MAF: variants seen among roughly 807,000 people sequenced by gnomAD.
MAF encodes the protein transcription factor Maf.
MAF carries 10 observed loss-of-function variants against 22.0 expected under a neutral mutation model. The observed-to-expected ratio is 0.45, with a 90% CI of 0.28 to 0.77. The LOEUF (loss-of-function observed/expected upper bound fraction) is 0.77. Ranked by LOEUF, MAF falls within the 30% of genes least tolerant of loss-of-function variation. The pLI, the probability that MAF is intolerant of heterozygous loss-of-function variation, is 0.12. For missense variants in MAF, 544 were observed against 548.4 expected (o/e 0.99, Z 0.08); for synonymous variants, 337 against 255.8 (o/e 1.32, Z -3.03).
chr16:79,451,985 G>C, the MAF span, among the ~76,000 whole-genome samples: 1 of 106,550 alleles, frequency 9.4e-6, no homozygotes, highest in Admixed American at 1.1e-4. Context: ...TTCTGCAGGA[G>C]TCCGCAAAGG....
intron 1 of MAF, chr16:79,597,940 G>T (rs1441411570): frequency 9.6e-7 from 1 of 1,041,062 alleles, no homozygotes; most frequent in East Asian, 5.7e-5. Context: ...TAAACTCTCA[G>T]ATTTGGCATC....
At chr16:79,513,841 C>A in the MAF span, among the ~76,000 whole-genome samples, 1 of 152,106 alleles carries the variant, frequency 6.6e-6, no homozygotes, top group Non-Finnish European at 1.5e-5. Flanking sequence ...TCTTTTCCAC[C>A]GGGTAGGCTG....
the MAF span, among the ~76,000 whole-genome samples, chr16:79,317,956 ACTCT>A: frequency 7.8e-6 from 1 of 128,126 alleles, no homozygotes; most frequent in Admixed American, 7.8e-5. Context: ...TCACTCACTC[ACTCT>A]TATTTTCCCT....
At chr16:79,569,072 C>T in the MAF span, among the ~76,000 whole-genome samples, 569 of 152,258 alleles carry the variant, frequency 3.7e-3, 4 homozygotes, top group Non-Finnish European at 5.8e-3. Flanking sequence ...CTCATTCATT[C>T]GTAGCAACAA....
the MAF span, among the ~76,000 whole-genome samples, chr16:79,278,139 G>C: frequency 6.6e-6 from 1 of 152,236 alleles, no homozygotes; most frequent in African/African-American, 2.4e-5. Flanking sequence ...ATTAGGACTA[G>C]ATTGAGTCGT....
At chr16:79,364,669 GTGTATATGTGCCATTC>G in the MAF span, among the ~76,000 whole-genome samples, 1 of 152,188 alleles carries the variant, frequency 6.6e-6, no homozygotes, top group Non-Finnish European at 1.5e-5. Flanking sequence ...CAGAATCCAT[GTGTATATGTGCCATTC>G]TGAGAGCATT....
chr16:79,402,106 C>CTGAG, the MAF span, among the ~76,000 whole-genome samples: 69 of 152,250 alleles, frequency 4.5e-4, no homozygotes, highest in Non-Finnish European at 8.1e-4. Context: ...CTCTAGCTGC[C>CTGAG]TGAGGCTAGC....
the MAF span, among the ~76,000 whole-genome samples, chr16:79,456,935 TAC>T: frequency 0.034 from 5,052 of 149,770 alleles, 280 homozygotes; most frequent in African/African-American, 0.12. Flanking sequence ...GCCATGTTTT[TAC>T]ACACACACAC....
rs2143820066 is a variant in MAF, at chr16:79,599,881, T to C, written c.22A>G (p.Ser8Gly). 1 of 1,604,338 alleles carries C rather than the reference T, an allele frequency of 6.2e-7. No homozygotes were observed. The highest frequency in any genetic ancestry group is 8.5e-7 in the Non-Finnish European group (1 of 1,179,606). The part of the protein sequence containing the change: MASELAM[S>G]NSDLPTSPLA... ...GGACTGGTGGGCAGGTCGGAGTTGC[T>C]CATTGCCAGTTCTGATGCCATTCTC... The change falls in exon 1 of 2, where the codon AGC (serine) becomes GGC (glycine). Residue 8 changes from serine to glycine, a missense_variant. Physicochemically the swap from Ser to Gly is moderately conservative, Grantham distance 56. This residue lies in a region of MAF where 63 missense variants were observed against 72.7 expected (regional missense o/e 0.87). Coordinates refer to ENST00000326043, the MANE Select transcript of MAF (RefSeq NM_005360.5).
chr16:79,209,085 T>C, the MAF span, among the ~76,000 whole-genome samples: 1 of 152,212 alleles, frequency 6.6e-6, no homozygotes, highest in East Asian at 1.9e-4. Flanking sequence ...GGAATTTAGA[T>C]GGTAAATCAC....
chr16:79,460,312 T>C, the MAF span, among the ~76,000 whole-genome samples: 2 of 152,210 alleles, frequency 1.3e-5, no homozygotes. Context: ...TCATGTACGT[T>C]TGTCTATAAA....
At chr16:79,434,441 C>T in the MAF span, among the ~76,000 whole-genome samples, 1,436 of 152,174 alleles carry the variant, frequency 9.4e-3, 16 homozygotes, top group Middle Eastern at 0.024. Context: ...CCAGCTTTTG[C>T]AAAATACCTG....
At chr16:79,240,833 G>A in the MAF span, among the ~76,000 whole-genome samples, 1 of 152,006 alleles carries the variant, frequency 6.6e-6, no homozygotes, top group Non-Finnish European at 1.5e-5. Flanking sequence ...CTGGTACAAA[G>A]CTTCCAGAGG....
the MAF span, among the ~76,000 whole-genome samples, chr16:79,269,105 C>G: frequency 6.6e-6 from 1 of 152,132 alleles, no homozygotes; most frequent in Non-Finnish European, 1.5e-5. Flanking sequence ...GGACCTGTCT[C>G]TATGTTGGTC....
chr16:79,582,197 T>A (rs1477319654), downstream of MAF, among the ~76,000 whole-genome samples: 44 of 152,116 alleles, frequency 2.9e-4, 1 homozygote, highest in Non-Finnish European at 5.7e-4. Flanking sequence ...ACAACAACTT[T>A]ACAGTAATTT....
the MAF span, among the ~76,000 whole-genome samples, chr16:79,273,287 C>G: frequency 2.0e-5 from 3 of 152,152 alleles, no homozygotes; most frequent in African/African-American, 7.2e-5. Flanking sequence ...TCTCTGGGCT[C>G]AGACAGTGCA....
chr16:79,598,232 G>T, intron 1 of MAF: 1 of 1,060,652 alleles, frequency 9.4e-7, no homozygotes, highest in Non-Finnish European at 1.1e-6. Flanking sequence ...TGGAAAAAAG[G>T]TGGGCAACAC....
chr16:79,344,086 A>G, the MAF span, among the ~76,000 whole-genome samples: 1 of 152,298 alleles, frequency 6.6e-6, no homozygotes, highest in South Asian at 2.1e-4. Context: ...CCAAGAGCTG[A>G]TCCAAGGAAT....
the MAF span, among the ~76,000 whole-genome samples, chr16:79,464,902 C>G: frequency 1.3e-5 from 2 of 152,142 alleles, no homozygotes; most frequent in Non-Finnish European, 1.5e-5. Context: ...AAAAGGGCCA[C>G]TAGACTAGAA....
Sources: allele counts gnomAD v4.1 joint callset (sites outside exome capture counted in the v4.1 genomes callset), GRCh38; gene constraint gnomAD v4.1.1; regional missense constraint gnomAD v4.1.1; transcripts MANE v1.5; gene names NCBI Gene and HGNC (gene_info 2026-07-23, HGNC 2026-07-21).